The following CADPS2 variants were observed in gnomAD, a reference collection of about 807,000 sequenced individuals.
CADPS2 encodes the protein calcium dependent secretion activator 2, also known as calcium-dependent secretion activator 2.
A neutral mutation model predicts 172.5 loss-of-function variants in CADPS2; 93 were observed. The observed-to-expected ratio is 0.54, with a 90% CI of 0.46 to 0.64. The LOEUF (loss-of-function observed/expected upper bound fraction) is 0.64. Among genes scored for constraint, CADPS2 ranks in the 30% least tolerant of loss-of-function variants. CADPS2 has a pLI of 0.00. For synonymous variants in CADPS2, 546 were observed against 555.2 expected (o/e 0.98, Z 0.23); for missense variants, 1,420 against 1,565.9 (o/e 0.91, Z 1.57).
intron 5 of CADPS2, among the ~76,000 whole-genome samples, chr7:122,617,259 G>T (rs1384917548): frequency 6.6e-6 from 1 of 152,106 alleles, no homozygotes; most frequent in Non-Finnish European, 1.5e-5. Context: ...ATTTTCAAAA[G>T]ATACAGCTTC....
intron 1 of CADPS2, among the ~76,000 whole-genome samples, chr7:122,788,708 T>A (rs767692949): frequency 6.6e-6 from 1 of 152,142 alleles, no homozygotes; most frequent in African/African-American, 2.4e-5. Context: ...GATTGCACTA[T>A]GCCAAGACTT....
At chr7:122,476,996 GGGAGAGGAGAGGAGA>G (rs1208335745) in intron 12 of CADPS2, among the ~76,000 whole-genome samples, 44 of 48,026 alleles carry the variant, frequency 9.2e-4, no homozygotes, top group African/African-American at 1.2e-3. Flanking sequence ...GGGAGGGGAG[GGGAGAGGAGAGGAGA>G]GGAGAGGAGA....
intron 1 of CADPS2, among the ~76,000 whole-genome samples, chr7:122,820,380 G>A (rs1168676049): frequency 6.6e-6 from 1 of 151,784 alleles, no homozygotes; most frequent in Non-Finnish European, 1.5e-5. Flanking sequence ...AAACACACGT[G>A]CTCTCCCTGC....
intron 1 of CADPS2, among the ~76,000 whole-genome samples, chr7:122,832,735 T>C (rs576867010): frequency 6.6e-6 from 1 of 152,296 alleles, no homozygotes; most frequent in East Asian, 1.9e-4. Flanking sequence ...AAAATGTGTC[T>C]GACAAAACTT....
chr7:122,732,794 AC>A (rs1422518854), intron 2 of CADPS2, among the ~76,000 whole-genome samples: 1 of 142,842 alleles, frequency 7.0e-6, no homozygotes, highest in African/African-American at 2.6e-5. Flanking sequence ...TAATATATAT[AC>A]ATTATATATT....
At position 122,360,964 on chromosome 7, in the gene CADPS2, T is replaced by G. The variant is rs2040044986; in HGVS notation, c.3437A>C (p.Glu1146Ala). 2 of 1,613,758 alleles carry G rather than the reference T, an allele frequency of 1.2e-6. No individual in the cohort carries two copies. The highest frequency in any genetic ancestry group is 1.7e-6 in the Non-Finnish European group (2 of 1,179,824). ...CAGAATGGATGAAAAGAAAGTGCCTTCATCATACCTTGACAGCTTAGACAA... is the reference window on the plus strand; with the variant it reads ...CAGAATGGATGAAAAGAAAGTGCCTGCATCATACCTTGACAGCTTAGACAA... The part of the protein sequence containing the change: ...GVLSKLSRYD[E>A]GTFFSSILSF... The change falls in exon 26 of 30, where the codon GAA becomes GCA. Residue 1146 changes from glutamate (E) to alanine (A), a missense_variant. By Grantham distance (107) the Glu-to-Ala change is moderately radical (BLOSUM62 -1). Coordinates refer to ENST00000449022, the MANE Select transcript of CADPS2 (RefSeq NM_017954.11).
chr7:122,571,919 TTAAC>T (rs1417059925), intron 7 of CADPS2, among the ~76,000 whole-genome samples: 13 of 152,124 alleles, frequency 8.5e-5, no homozygotes, highest in African/African-American at 3.1e-4. Flanking sequence ...TATTGAATAA[TTAAC>T]TATACTAATT....
At chr7:122,708,345 T>C (rs772191998) in intron 2 of CADPS2, among the ~76,000 whole-genome samples, 3 of 151,448 alleles carry the variant, frequency 2.0e-5, no homozygotes, top group South Asian at 2.1e-4. Context: ...CTGAGTTTTA[T>C]CTTCAGAAAG....
At chr7:122,598,904 G>C (rs2072315375) in intron 6 of CADPS2, among the ~76,000 whole-genome samples, 1 of 152,138 alleles carries the variant, frequency 6.6e-6, no homozygotes, top group Admixed American at 6.6e-5. Flanking sequence ...GAGACAACTA[G>C]AGCAAACAGT....
At chr7:122,594,636 A>T (rs1160190238) in intron 6 of CADPS2, among the ~76,000 whole-genome samples, 1 of 152,036 alleles carries the variant, frequency 6.6e-6, no homozygotes, top group Admixed American at 6.6e-5. Flanking sequence ...CAAGCCTGTT[A>T]GCACAAAATC....
At chr7:122,564,789 T>G (rs1176951181) in intron 7 of CADPS2, among the ~76,000 whole-genome samples, 3 of 151,668 alleles carry the variant, frequency 2.0e-5, no homozygotes, top group African/African-American at 4.8e-5. Flanking sequence ...GATAACTGCA[T>G]AAAATTTTTA....
intron 2 of CADPS2, among the ~76,000 whole-genome samples, chr7:122,705,749 T>G: frequency 1.0e-4 from 1 of 9,728 alleles, no homozygotes; most frequent in Non-Finnish European, 2.0e-4. Context: ...ATATATAATA[T>G]ATATAATATA....
In CADPS2 at chr7:122,613,761, T is replaced by C. The variant is rs550807608; in HGVS notation, c.1223+1420A>G. The stretch of plus-strand genomic sequence containing the variant: ...CAATTCTGTGAATATACTAATATAT[T>C]ACCCCCAAATATATACTGTGACTAG... On this transcript the variant is annotated intron_variant, in intron 6 of 29. Transcript: ENST00000449022. Among the ~76,000 whole-genome samples, 117 of 152,086 alleles carry C rather than the reference T, an allele frequency of 7.7e-4. 1 individual carries two copies. The highest frequency in any genetic ancestry group is 1.9e-4 in the East Asian group (1 of 5,144).
intron 1 of CADPS2, among the ~76,000 whole-genome samples, chr7:122,827,460 C>T (rs1158593671): frequency 6.6e-6 from 1 of 151,958 alleles, no homozygotes. Context: ...TGGAGAAACA[C>T]TGTCTCTACT....
intron 16 of CADPS2, among the ~76,000 whole-genome samples, 169 bp from the exon 17 acceptor site, chr7:122,438,633 G>A (rs1228650873): frequency 6.6e-6 from 1 of 151,884 alleles, no homozygotes; most frequent in Non-Finnish European, 1.5e-5. Flanking sequence ...GGATGTAATG[G>A]GTCTGCAATG....
In CADPS2 at chr7:122,659,836, A is replaced by C. The variant is rs149615509; in HGVS notation, c.786+3401T>G. Among the ~76,000 whole-genome samples the C allele has an allele frequency of 1.3e-3, 205 of 152,256 alleles. 2 individuals carry two copies. The highest frequency in any genetic ancestry group is 2.1e-3 in the Non-Finnish European group (141 of 68,014). ...CTCATCAGAAATCATGCAAACAAAA[A>C]GACAGTGTGGTGAAATTTTCAGAGC... On this transcript the variant is annotated intron_variant, in intron 3 of 29. Coordinates refer to ENST00000449022, the MANE Select transcript of CADPS2 (RefSeq NM_017954.11).
intron 2 of CADPS2, among the ~76,000 whole-genome samples, chr7:122,720,537 T>C (rs1021323012): frequency 6.6e-6 from 1 of 151,444 alleles, no homozygotes; most frequent in Admixed American, 6.6e-5. Flanking sequence ...TATGCAGATA[T>C]GTATGTGTAT....
chr7:122,801,869 G>A (rs903721666), intron 1 of CADPS2, among the ~76,000 whole-genome samples: 16 of 151,714 alleles, frequency 1.1e-4, no homozygotes, highest in South Asian at 2.1e-4. Flanking sequence ...GATTACAGGC[G>A]TGAGCCACTC....
At chr7:122,540,694 G>A (rs1242104598) in intron 8 of CADPS2, among the ~76,000 whole-genome samples, 1 of 152,112 alleles carries the variant, frequency 6.6e-6, no homozygotes, top group Non-Finnish European at 1.5e-5. Context: ...AAACATTAAA[G>A]ACAAGATTGT....
Sources: allele counts gnomAD v4.1 joint callset (sites outside exome capture counted in the v4.1 genomes callset), GRCh38; gene constraint gnomAD v4.1.1; transcripts MANE v1.5; gene names NCBI Gene and HGNC (gene_info 2026-07-23, HGNC 2026-07-21).